The following NTRK2 variants were observed in gnomAD, a reference collection of about 807,000 sequenced individuals.
NTRK2 encodes neurotrophic receptor tyrosine kinase 2.
NTRK2 carries 13 observed loss-of-function variants against 94.5 expected under a neutral mutation model. The observed-to-expected ratio is 0.14, with a 90% CI of 0.09 to 0.22. The LOEUF is 0.22. Among genes scored for constraint, NTRK2 ranks in the 10% least tolerant of loss-of-function variants. NTRK2 has a pLI of 1.00. For synonymous variants in NTRK2, 372 were observed against 407.4 expected (o/e 0.91, Z 1.05); for missense variants, 639 against 1,071.2 (o/e 0.60, Z 5.63).
chr9:84,931,156 C>T (rs1455362345), intron 14 of NTRK2, among the ~76,000 whole-genome samples: 1 of 152,118 alleles, frequency 6.6e-6, no homozygotes, highest in African/African-American at 2.4e-5. Context: ...CCTGTAATCC[C>T]AGCACTTTGG....
intron 12 of NTRK2, among the ~76,000 whole-genome samples, chr9:84,838,578 C>T (rs910574467): frequency 3.3e-5 from 5 of 151,946 alleles, no homozygotes; most frequent in Non-Finnish European, 4.4e-5. Flanking sequence ...TTATACTTAC[C>T]GCATTTTCCA....
chr9:84,849,919 G>A (rs1191583270), intron 12 of NTRK2, among the ~76,000 whole-genome samples: 1 of 152,136 alleles, frequency 6.6e-6, no homozygotes, highest in Non-Finnish European at 1.5e-5. Context: ...TGATGCTGTT[G>A]TATCTTATGA....
chr9:85,009,500 G>A (rs761984490), intron 17 of NTRK2, among the ~76,000 whole-genome samples: 28 of 152,148 alleles, frequency 1.8e-4, no homozygotes, highest in Admixed American at 1.4e-3. Flanking sequence ...TTTCAACATC[G>A]CAAAGCAGCT....
intron 15 of NTRK2, among the ~76,000 whole-genome samples, chr9:84,939,019 T>A (rs1465667778): frequency 8.5e-6 from 1 of 117,166 alleles, no homozygotes; most frequent in Non-Finnish European, 1.6e-5. Flanking sequence ...ACCACTGCAC[T>A]CCACTCTGGG....
At chr9:84,780,522 C>G (rs1380729527) in intron 12 of NTRK2, among the ~76,000 whole-genome samples, 1 of 152,122 alleles carries the variant, frequency 6.6e-6, no homozygotes, top group Non-Finnish European at 1.5e-5. Flanking sequence ...TTTAGTCAGG[C>G]CAGTCCCTAA....
intron 12 of NTRK2, among the ~76,000 whole-genome samples, chr9:84,828,985 G>GT (rs754210014): frequency 6.6e-4 from 96 of 146,096 alleles, no homozygotes; most frequent in East Asian, 2.4e-3. Context: ...AATCTATGGT[G>GT]TTTTTTTTTT....
At chr9:84,762,387 T>C (rs573368591) in intron 12 of NTRK2, among the ~76,000 whole-genome samples, 2 of 152,326 alleles carry the variant, frequency 1.3e-5, no homozygotes, top group African/African-American at 4.8e-5. Flanking sequence ...GTCATTTTGT[T>C]TGAAGTAAAT....
At chr9:84,775,354 A>AT (rs2066930188) in intron 12 of NTRK2, among the ~76,000 whole-genome samples, 1 of 151,878 alleles carries the variant, frequency 6.6e-6, no homozygotes, top group Admixed American at 6.6e-5. Flanking sequence ...CAGCACATTT[A>AT]TTTTTTTTCA....
chr9:84,944,215 T>TCTCTCACACACACACACACA (rs1440338055), intron 15 of NTRK2, among the ~76,000 whole-genome samples: 2 of 120,316 alleles, frequency 1.7e-5, no homozygotes, highest in Non-Finnish European at 3.3e-5. Context: ...TCTCTCTCTC[T>TCTCTCACACACACACACACA]CACACACACA....
intron 14 of NTRK2, chr9:84,872,704 G>A (rs2075910920): frequency 9.4e-7 from 1 of 1,064,292 alleles, no homozygotes; most frequent in Non-Finnish European, 1.1e-6. Flanking sequence ...TAATGTGTGT[G>A]TATCCTTGTG....
intron 14 of NTRK2, chr9:84,873,503 GC>G: frequency 2.8e-6 from 3 of 1,058,494 alleles, no homozygotes; most frequent in Non-Finnish European, 2.3e-6. Flanking sequence ...CAGTGCCACG[GC>G]CCCCCCATTG....
chr9:84,996,495 G>A (rs768307997), intron 17 of NTRK2, among the ~76,000 whole-genome samples: 13 of 152,292 alleles, frequency 8.5e-5, no homozygotes, highest in Non-Finnish European at 1.9e-4. Flanking sequence ...TCCTTCTATC[G>A]CTATCTCCTG....
Position 84,861,030 on chromosome 9 carries a change from T to C in NTRK2, c.1397-10T>C, listed in dbSNP as rs753422982. 1 of 1,613,028 alleles carries C rather than the reference T, an allele frequency of 6.2e-7. No homozygotes were observed. On this transcript the variant is annotated splice_polypyrimidine_tract_variant and intron_variant, in intron 12 of 18. Transcript: ENST00000277120. ...TCGAAGTTTATTTTATGTTTTGTTG[T>C]GGTTTTCAGATTTCTCATGGTTTGG... is the stretch of plus-strand genomic sequence containing the variant.
chr9:84,823,437 T>C (rs973471017), intron 12 of NTRK2, among the ~76,000 whole-genome samples: 1 of 152,254 alleles, frequency 6.6e-6, no homozygotes, highest in Non-Finnish European at 1.5e-5. Context: ...AATTACTCAC[T>C]CCTGGACTTC....
At chr9:84,814,391 C>T (rs914555280) in intron 12 of NTRK2, 11 of 1,065,540 alleles carry the variant, frequency 1.0e-5, no homozygotes, top group African/African-American at 1.6e-5. Flanking sequence ...GAGGGAAGCC[C>T]GCTTTCTCTC....
chr9:84,890,580 A>G (rs1460892278), intron 14 of NTRK2, among the ~76,000 whole-genome samples: 1 of 152,224 alleles, frequency 6.6e-6, no homozygotes, highest in Non-Finnish European at 1.5e-5. Context: ...TCTCCTAGTT[A>G]CAGAAGCAGT....
intron 14 of NTRK2, chr9:84,875,743 C>T: frequency 9.5e-7 from 1 of 1,052,846 alleles, no homozygotes; most frequent in African/African-American, 1.7e-5. Flanking sequence ...GTCCAGTGAT[C>T]CCCGGATCTT....
intron 12 of NTRK2, among the ~76,000 whole-genome samples, chr9:84,843,316 C>G (rs922980797): frequency 4.6e-5 from 7 of 152,134 alleles, no homozygotes; most frequent in Non-Finnish European, 1.0e-4. Context: ...TGTTTCTGCT[C>G]TTCTCTCAGT....
At chr9:84,907,322 A>C (rs987203189) in intron 14 of NTRK2, among the ~76,000 whole-genome samples, 1 of 152,226 alleles carries the variant, frequency 6.6e-6, no homozygotes, top group Admixed American at 6.5e-5. Flanking sequence ...TATTTGGATA[A>C]GTTGCATAGC....
Sources: allele counts gnomAD v4.1 joint callset (sites outside exome capture counted in the v4.1 genomes callset), GRCh38; gene constraint gnomAD v4.1.1; transcripts MANE v1.5; gene names NCBI Gene and HGNC (gene_info 2026-07-23, HGNC 2026-07-21).